The following ZNF385B variants were observed in gnomAD, a reference collection of about 807,000 sequenced individuals.
The protein encoded by ZNF385B is zinc finger protein 533.
ZNF385B carries 23 observed loss-of-function variants against 39.2 expected under a neutral mutation model. That is an observed-to-expected ratio of 0.59 (90% CI 0.42 to 0.83). The LOEUF is 0.83. Among genes scored for constraint, ZNF385B ranks in the 40% least tolerant of loss-of-function variants. The pLI is 0.00. For missense variants in ZNF385B, 552 were observed against 598.9 expected (o/e 0.92, Z 0.82); for synonymous variants, 205 against 222.6 (o/e 0.92, Z 0.70).
chr2:179,465,233 A>G (rs995175805), intron 6 of ZNF385B, among the ~76,000 whole-genome samples: 15 of 151,876 alleles, frequency 9.9e-5, no homozygotes, highest in Non-Finnish European at 2.2e-4. Context: ...ACCATCTCCT[A>G]TTCTTCTGCC....
At chr2:179,632,328 G>T (rs1011116701) in intron 3 of ZNF385B, among the ~76,000 whole-genome samples, 2 of 152,128 alleles carry the variant, frequency 1.3e-5, no homozygotes, top group Non-Finnish European at 2.9e-5. Flanking sequence ...AAATGTAAAA[G>T]AATTGATATC....
At chr2:179,486,605 G>C (rs2054593995) in intron 5 of ZNF385B, among the ~76,000 whole-genome samples, 3 of 152,226 alleles carry the variant, frequency 2.0e-5, no homozygotes, top group South Asian at 4.1e-4. Flanking sequence ...CACCAGGTCT[G>C]ATCCTTCTGT....
chr2:179,444,998 A>G, intron 8 of ZNF385B, 21 bp from the exon 9 acceptor site: 1 of 1,596,120 alleles, frequency 6.3e-7, no homozygotes. Flanking sequence ...TTGATGCATT[A>G]GCTGGACTGA....
intron 3 of ZNF385B, among the ~76,000 whole-genome samples, chr2:179,582,900 A>G (rs114240574): frequency 0.076 from 11,499 of 152,204 alleles, 520 homozygotes; most frequent in Non-Finnish European, 0.1. Flanking sequence ...CCCAGGCTGG[A>G]GTGCAGTCAT....
In ZNF385B at chr2:179,664,289, A is replaced by T. The variant is rs149948817; in HGVS notation, c.298+105214T>A. The stretch of plus-strand genomic sequence containing the variant: ...TATTTATTGTCTAAAATAAGTGTAA[A>T]TTGTTCAATTGCATTCATTTTAATA... On this transcript the variant is annotated intron_variant, in intron 3 of 9. Coordinates refer to ENST00000410066, the MANE Select transcript of ZNF385B (RefSeq NM_152520.6). Among the ~76,000 whole-genome samples, 15 of 152,270 alleles carry T rather than the reference A, an allele frequency of 9.9e-5. No individual in the cohort carries two copies. In the East Asian group the frequency reaches 2.9e-3, roughly 29 times the overall value.
chr2:179,780,636 C>T (rs1704610535), intron 1 of ZNF385B, among the ~76,000 whole-genome samples: 1 of 152,184 alleles, frequency 6.6e-6, no homozygotes, highest in African/African-American at 2.4e-5. Context: ...TAGACAACTT[C>T]CCTACTAATT....
intron 1 of ZNF385B, among the ~76,000 whole-genome samples, chr2:179,774,059 G>A (rs184315932): frequency 5.3e-5 from 8 of 151,930 alleles, no homozygotes; most frequent in Admixed American, 1.3e-4. Flanking sequence ...TGTGGTTTGC[G>A]TGTGGGGTGT....
At chr2:179,825,449 G>A (rs948760239) in intron 1 of ZNF385B, among the ~76,000 whole-genome samples, 2 of 152,032 alleles carry the variant, frequency 1.3e-5, no homozygotes, top group Non-Finnish European at 2.9e-5. Flanking sequence ...CTTCTTTTTT[G>A]ATAGTCTAAA....
At chr2:179,466,263 G>A (rs1340025876) in intron 6 of ZNF385B, among the ~76,000 whole-genome samples, 2 of 151,904 alleles carry the variant, frequency 1.3e-5, no homozygotes, top group Non-Finnish European at 2.9e-5. Context: ...GATGTTTGAT[G>A]AAATGAACAA....
chr2:179,627,831 T>C (rs1443815550), intron 3 of ZNF385B, among the ~76,000 whole-genome samples: 15 of 152,122 alleles, frequency 9.9e-5, no homozygotes, highest in Admixed American at 9.2e-4. Context: ...AAACAAATAG[T>C]AGCAAGAAAG....
chr2:179,577,244 A>T (rs1263946735), intron 3 of ZNF385B, among the ~76,000 whole-genome samples: 1 of 152,154 alleles, frequency 6.6e-6, no homozygotes, highest in Non-Finnish European at 1.5e-5. Context: ...TTTTAAGGTC[A>T]AAATTAATAG....
chr2:179,792,636 A>G (rs1705412887), intron 1 of ZNF385B, among the ~76,000 whole-genome samples: 1 of 122,726 alleles, frequency 8.1e-6, no homozygotes, highest in African/African-American at 2.6e-5. Flanking sequence ...TGGCCTCCCA[A>G]AGTGCTGGGA....
chr2:179,494,728 C>G (rs1392353078), intron 5 of ZNF385B, among the ~76,000 whole-genome samples: 2 of 150,968 alleles, frequency 1.3e-5, no homozygotes, highest in Non-Finnish European at 2.9e-5. Flanking sequence ...TGTATCCTGC[C>G]AGGGATTGTT....
chr2:179,708,349 C>T (rs1406993279), intron 3 of ZNF385B, among the ~76,000 whole-genome samples: 1 of 152,210 alleles, frequency 6.6e-6, no homozygotes, highest in Non-Finnish European at 1.5e-5. Context: ...CCTCCCCAGC[C>T]ATGTGGAACT....
intron 3 of ZNF385B, among the ~76,000 whole-genome samples, chr2:179,719,120 G>A (rs1004577075): frequency 2.6e-5 from 4 of 151,860 alleles, no homozygotes; most frequent in African/African-American, 7.3e-5. Context: ...GTTTCTATAT[G>A]TTGCCCATGG....
chr2:179,852,725 A>G (rs1422812447), intron 1 of ZNF385B, among the ~76,000 whole-genome samples: 2 of 152,160 alleles, frequency 1.3e-5, no homozygotes, highest in Non-Finnish European at 2.9e-5. Context: ...AGTGTTCTCC[A>G]AGTGTGGTCT....
intron 5 of ZNF385B, among the ~76,000 whole-genome samples, chr2:179,502,615 A>G (rs2056866793): frequency 6.6e-6 from 1 of 152,096 alleles, no homozygotes; most frequent in Non-Finnish European, 1.5e-5. Context: ...AGGCCTCCCC[A>G]GAAGCAGAAG....
intron 3 of ZNF385B, among the ~76,000 whole-genome samples, chr2:179,714,941 T>TCAAA (rs1270299250): frequency 2.1e-4 from 1 of 4,666 alleles, no homozygotes; most frequent in Non-Finnish European, 4.8e-4. Flanking sequence ...AGATTCTATC[T>TCAAA]CAAAAAAAAA....
intron 6 of ZNF385B, among the ~76,000 whole-genome samples, chr2:179,471,059 T>C (rs1045113935): frequency 6.6e-6 from 1 of 152,198 alleles, no homozygotes; most frequent in African/African-American, 2.4e-5. Context: ...TAAAATGATA[T>C]TATTTTAAGA....
Sources: gnomAD v4.1 joint callset for allele counts (sites outside exome capture counted in the v4.1 genomes callset) on GRCh38, gnomAD v4.1.1 for gene constraint, MANE v1.5 for transcripts, NCBI Gene and HGNC (gene_info 2026-07-23, HGNC 2026-07-21) for gene names.